Variants in ASTN1 observed in about 807,000 individuals in gnomAD.
ASTN1 encodes astrotactin 1, also known as astrotactin-1.
In ASTN1, 41 loss-of-function variants were observed where a neutral mutation model predicts 140.7. That is an observed-to-expected ratio of 0.29 (90% CI 0.23 to 0.38). ASTN1 has a LOEUF of 0.38. ASTN1 is among the 10% of genes least tolerant of loss of function. The probability of loss-of-function intolerance (pLI) is 1.00; values close to 1 mark genes in which losing one functional copy is unlikely to be tolerated. For missense variants in ASTN1, 1,479 were observed against 1,678.8 expected (o/e 0.88, Z 2.08); for synonymous variants, 640 against 652.2 (o/e 0.98, Z 0.29).
At chr1:176,994,301 T>C (rs1418462952) in intron 8 of ASTN1, among the ~76,000 whole-genome samples, 1 of 152,154 alleles carries the variant, frequency 6.6e-6, no homozygotes, top group Non-Finnish European at 1.5e-5. Context: ...TGCAACACCC[T>C]GCATTTACTT....
chr1:176,883,296 G>A (rs924573462), intron 19 of ASTN1, among the ~76,000 whole-genome samples: 1 of 149,300 alleles, frequency 6.7e-6, no homozygotes, highest in Admixed American at 6.7e-5. Context: ...GCAGTGGCGC[G>A]ATCTTGTCTC....
In ASTN1 at chr1:176,863,296, A is replaced by T; in HGVS notation, c.*988T>A. ...TCAATAATAGCTTTAGTTCACTGTAACACTGATATGAAAGTGTTGACCCCT... is the reference window on the plus strand; with the variant it reads ...TCAATAATAGCTTTAGTTCACTGTATCACTGATATGAAAGTGTTGACCCCT... On this transcript the variant is annotated 3_prime_UTR_variant, in exon 23 of 23. Coordinates refer to ENST00000361833, the MANE Select transcript of ASTN1 (RefSeq NM_004319.3). 1 of 985,882 alleles carries T rather than the reference A, an allele frequency of 1.0e-6. No homozygotes were observed. Among genetic ancestry groups the T allele is most frequent in the East Asian group, 1.1e-4 (1 of 8,810 alleles). The allele number at this position is 985,882 out of a possible 1,614,324, so 61.1% of individuals were successfully genotyped here.
chr1:176,969,046 T>C (rs1211611165), intron 8 of ASTN1, among the ~76,000 whole-genome samples: 4 of 152,056 alleles, frequency 2.6e-5, no homozygotes, highest in Non-Finnish European at 4.4e-5. Context: ...GAGCTGGACG[T>C]AAAAGCACTC....
At chr1:177,103,598 G>A (rs1680403688) in intron 1 of ASTN1, among the ~76,000 whole-genome samples, 1 of 152,110 alleles carries the variant, frequency 6.6e-6, no homozygotes, top group South Asian at 2.1e-4. Flanking sequence ...TGCAAATATA[G>A]CAAAACAATA....
intron 16 of ASTN1, among the ~76,000 whole-genome samples, chr1:176,897,317 G>C (rs903787479): frequency 6.8e-6 from 1 of 146,736 alleles, no homozygotes; most frequent in African/African-American, 2.5e-5. Flanking sequence ...TAAAATCCCG[G>C]CCCCCCCACC....
intron 1 of ASTN1, among the ~76,000 whole-genome samples, chr1:177,075,989 C>G (rs1002748150): frequency 6.6e-6 from 1 of 151,836 alleles, no homozygotes; most frequent in Non-Finnish European, 1.5e-5. Context: ...AATAGAAATC[C>G]CTCATACTGG....
At chr1:176,888,721 AT>A (rs1441902774) in intron 17 of ASTN1, among the ~76,000 whole-genome samples, 1 of 152,136 alleles carries the variant, frequency 6.6e-6, no homozygotes, top group Non-Finnish European at 1.5e-5. Context: ...GTGACTTGGC[AT>A]TAGGCATTTC....
At chr1:177,158,898 A>G (rs1032904683) in intron 1 of ASTN1, among the ~76,000 whole-genome samples, 19 of 147,806 alleles carry the variant, frequency 1.3e-4, no homozygotes, top group African/African-American at 4.8e-4. Context: ...CCTTTAATAA[A>G]AATACAAAAA....
chr1:177,155,689 GGGGA>G (rs898735337), intron 1 of ASTN1, among the ~76,000 whole-genome samples: 1 of 152,168 alleles, frequency 6.6e-6, no homozygotes, highest in Non-Finnish European at 1.5e-5. Context: ...GGATAAGCAA[GGGGA>G]GGAAGCAAGA....
intron 1 of ASTN1, among the ~76,000 whole-genome samples, chr1:177,108,679 T>C (rs1004332298): frequency 6.6e-6 from 1 of 152,188 alleles, no homozygotes; most frequent in Non-Finnish European, 1.5e-5. Context: ...GGTGATGTCA[T>C]TTATTGAGAT....
At chr1:176,876,727 G>T (rs909603310) in intron 20 of ASTN1, 90 bp from the exon 21 acceptor site, 174 of 1,292,462 alleles carry the variant, frequency 1.3e-4, no homozygotes, top group Non-Finnish European at 1.6e-4. Context: ...AGCTCTGCCT[G>T]AATGGGTGGC....
chr1:176,874,827 C>G (rs547223280), intron 21 of ASTN1, among the ~76,000 whole-genome samples: 8 of 151,924 alleles, frequency 5.3e-5, no homozygotes, highest in African/African-American at 4.8e-5. Flanking sequence ...AATAAGTAAA[C>G]TGAGGCACGG....
chr1:177,164,300 G>C lies in ASTN1; in HGVS notation c.283+94C>G, dbSNP rs1020383067. The C allele has an allele frequency of 1.1e-5, 14 of 1,308,216 alleles. No homozygotes were observed. The African/African-American group carries it at 1.7e-4, about 16-fold the overall frequency. The allele number at this position is 1,308,216 out of a possible 1,614,324, so 81.0% of individuals were successfully genotyped here. On this transcript the variant is annotated intron_variant, in intron 1 of 22. Transcript: ENST00000361833. ...GGGAGGTAGGAGTGGGGGAGGGGAG[G>C]TCGTCGGCGAGTGGGTGTGTAGAGC...
chr1:177,065,169 A>G (rs970148179), intron 1 of ASTN1, among the ~76,000 whole-genome samples: 4 of 152,148 alleles, frequency 2.6e-5, no homozygotes, highest in African/African-American at 9.7e-5. Context: ...ACGAGATCCT[A>G]CTCAGTCATC....
chr1:176,934,617 T>G (rs180895375), intron 15 of ASTN1, among the ~76,000 whole-genome samples: 20 of 140,228 alleles, frequency 1.4e-4, no homozygotes, highest in African/African-American at 2.7e-4. Flanking sequence ...ATCAATGTGT[T>G]TTTTTTTTTT....
At chr1:176,876,909 G>C (rs1668589453) in intron 20 of ASTN1, among the ~76,000 whole-genome samples, 1 of 152,160 alleles carries the variant, frequency 6.6e-6, no homozygotes, top group African/African-American at 2.4e-5. Context: ...GGTTCTCAAA[G>C]TCGGGCCCCC....
chr1:177,108,907 C>T (rs541097599), intron 1 of ASTN1, among the ~76,000 whole-genome samples: 8 of 152,062 alleles, frequency 5.3e-5, no homozygotes, highest in Non-Finnish European at 1.2e-4. Flanking sequence ...TGGATGAGAT[C>T]ATCTAGGAAG....
chr1:176,971,092 T>C (rs1433422480), intron 8 of ASTN1, among the ~76,000 whole-genome samples: 2 of 152,210 alleles, frequency 1.3e-5, no homozygotes, highest in Admixed American at 6.5e-5. Context: ...AAACAAATAT[T>C]CCTTTTCTAA....
At chr1:177,123,753 T>G (rs139571112) in intron 1 of ASTN1, among the ~76,000 whole-genome samples, 1 of 152,212 alleles carries the variant, frequency 6.6e-6, no homozygotes, top group African/African-American at 2.4e-5. Flanking sequence ...TTTCCCACCC[T>G]GGCTCTATGA....
Sources: gnomAD v4.1 joint callset for allele counts (sites outside exome capture counted in the v4.1 genomes callset) on GRCh38, gnomAD v4.1.1 for gene constraint, MANE v1.5 for transcripts, NCBI Gene and HGNC (gene_info 2026-07-23, HGNC 2026-07-21) for gene names.